The following ESRRG variants were observed in gnomAD, a reference collection of about 807,000 sequenced individuals.
ESRRG encodes estrogen related receptor gamma.
ESRRG carries 13 observed loss-of-function variants against 44.0 expected under a neutral mutation model. The ratio of observed to expected loss-of-function variants is 0.30; its 90% CI spans 0.19 to 0.47. The LOEUF (loss-of-function observed/expected upper bound fraction) is 0.47, where lower values mean the gene tolerates loss of function less well. Among genes scored for constraint, ESRRG ranks in the 20% least tolerant of loss-of-function variants. The pLI is 1.00. For missense variants in ESRRG, 395 were observed against 580.6 expected, an observed-to-expected ratio of 0.68 and a Z score of 3.29; for synonymous variants, 215 against 214.6, an observed-to-expected ratio of 1.00 and a Z score of -0.02.
At chr1:216,857,354 C>T (rs2095963954) in intron 2 of ESRRG, among the ~76,000 whole-genome samples, 2 of 150,362 alleles carry the variant, frequency 1.3e-5, no homozygotes, top group African/African-American at 4.9e-5. Context: ...CCCTTAACCA[C>T]CCTTTGGGAA....
At chr1:217,098,176 C>G (rs895306108) in intron 1 of ESRRG, among the ~76,000 whole-genome samples, 1 of 152,152 alleles carries the variant, frequency 6.6e-6, no homozygotes, top group African/African-American at 2.4e-5. Flanking sequence ...TACACTTTCA[C>G]AGACCCATAA....
In ESRRG at chr1:216,505,499, A is replaced by G. The variant is rs987888604; in HGVS notation, c.*1440T>C. On this transcript the variant is annotated 3_prime_UTR_variant, in exon 7 of 7. Coordinates refer to ENST00000408911, the MANE Select transcript of ESRRG (RefSeq NM_001438.4). ...ATTTGCCTTATTGCCTCTTAAATGA[A>G]TACTGGCTCACAGCTCCTTCTGAGG... The G allele has an allele frequency of 6.6e-6, 1 of 152,496 alleles. No homozygotes were observed. The highest frequency in any genetic ancestry group is 2.4e-5 in the African/African-American group (1 of 41,384). The allele number at this position is 152,496 out of a possible 1,614,324, so 9.4% of individuals were successfully genotyped here.
intron 1 of ESRRG, among the ~76,000 whole-genome samples, chr1:216,716,897 C>T (rs1056719605): frequency 6.6e-6 from 1 of 151,834 alleles, no homozygotes; most frequent in Non-Finnish European, 1.5e-5. Context: ...ACATATAGAT[C>T]TTTGCCAGTA....
chr1:216,954,286 A>G (rs887230249), intron 1 of ESRRG, among the ~76,000 whole-genome samples: 4 of 152,124 alleles, frequency 2.6e-5, no homozygotes, highest in South Asian at 2.1e-4. Flanking sequence ...ACTTCAACAC[A>G]GCCCCTCTCC....
At chr1:216,816,283 T>A (rs1326956027) in intron 2 of ESRRG, among the ~76,000 whole-genome samples, 1 of 152,226 alleles carries the variant, frequency 6.6e-6, no homozygotes, top group African/African-American at 2.4e-5. Flanking sequence ...CATCTCATAA[T>A]TGTGGACTTA....
At chr1:216,630,230 C>T (rs2063904368) in intron 3 of ESRRG, among the ~76,000 whole-genome samples, 1 of 152,112 alleles carries the variant, frequency 6.6e-6, no homozygotes, top group South Asian at 2.1e-4. Context: ...CTTTCATTCT[C>T]ATTTTGTTTC....
intron 1 of ESRRG, among the ~76,000 whole-genome samples, chr1:216,978,343 G>C (rs1257251646): frequency 6.6e-6 from 1 of 152,118 alleles, no homozygotes; most frequent in Non-Finnish European, 1.5e-5. Flanking sequence ...AGACTATATA[G>C]CTGGCAAGGC....
At chr1:216,850,033 T>C (rs967585891) in intron 2 of ESRRG, among the ~76,000 whole-genome samples, 6 of 152,174 alleles carry the variant, frequency 3.9e-5, no homozygotes, top group African/African-American at 1.4e-4. Flanking sequence ...ATGCACTTTA[T>C]ATACTTCTGC....
chr1:216,873,964 G>A (rs1449432206), intron 2 of ESRRG, among the ~76,000 whole-genome samples: 1 of 105,944 alleles, frequency 9.4e-6, no homozygotes, highest in Admixed American at 9.8e-5. Context: ...GGGGAAGAGG[G>A]GAGGGGAGGG....
At chr1:216,629,626 G>A (rs1229132472) in intron 3 of ESRRG, among the ~76,000 whole-genome samples, 1 of 151,796 alleles carries the variant, frequency 6.6e-6, no homozygotes, top group Non-Finnish European at 1.5e-5. Flanking sequence ...AATGGCAGAG[G>A]AGAATTAATG....
At chr1:216,537,797 G>A (rs2051435913) in intron 5 of ESRRG, among the ~76,000 whole-genome samples, 1 of 152,072 alleles carries the variant, frequency 6.6e-6, no homozygotes, top group South Asian at 2.1e-4. Context: ...AAACTGAGGT[G>A]CAAACCCACT....
At chr1:216,518,281 C>A (rs780445731) in intron 6 of ESRRG, among the ~76,000 whole-genome samples, 4 of 152,094 alleles carry the variant, frequency 2.6e-5, no homozygotes, top group Non-Finnish European at 4.4e-5. Flanking sequence ...CTCATTGCAT[C>A]CCATTTAACA....
chr1:217,030,106 G>T (rs1208238140), intron 1 of ESRRG, among the ~76,000 whole-genome samples: 3 of 152,106 alleles, frequency 2.0e-5, no homozygotes, highest in Admixed American at 6.5e-5. Context: ...GTGGTGCGGA[G>T]GCAGTGCCTA....
intron 2 of ESRRG, among the ~76,000 whole-genome samples, chr1:216,761,824 T>C (rs942877616): frequency 6.6e-6 from 1 of 152,124 alleles, no homozygotes; most frequent in Non-Finnish European, 1.5e-5. Context: ...TGACTTAAGG[T>C]ATACAACTTG....
chr1:216,802,285 G>A (rs937805875), intron 2 of ESRRG, among the ~76,000 whole-genome samples: 1 of 152,098 alleles, frequency 6.6e-6, no homozygotes, highest in Non-Finnish European at 1.5e-5. Context: ...CAAGAAAATG[G>A]GGCATTGGGA....
intron 3 of ESRRG, among the ~76,000 whole-genome samples, chr1:216,630,761 T>A (rs1558916540): frequency 6.6e-6 from 1 of 152,196 alleles, no homozygotes; most frequent in Non-Finnish European, 1.5e-5. Flanking sequence ...AACATGATAA[T>A]GAGCCTGTCA....
At chr1:216,779,641 C>G (rs1475006661) in intron 2 of ESRRG, among the ~76,000 whole-genome samples, 1 of 138,456 alleles carries the variant, frequency 7.2e-6, no homozygotes, top group African/African-American at 2.7e-5. Context: ...TTAAAAAGTA[C>G]TGGTTACAGT....
chr1:216,554,456 A>G (rs1297808803), intron 5 of ESRRG, among the ~76,000 whole-genome samples: 5 of 151,176 alleles, frequency 3.3e-5, no homozygotes, highest in Non-Finnish European at 5.9e-5. Flanking sequence ...CTGTCTCAAA[A>G]AAAAAAAAAC....
chr1:216,551,159 T>C (rs2056214608), intron 5 of ESRRG, among the ~76,000 whole-genome samples: 1 of 152,160 alleles, frequency 6.6e-6, no homozygotes, highest in African/African-American at 2.4e-5. Flanking sequence ...TGATAATGCA[T>C]AAACCATGCA....
Sources: gnomAD v4.1 joint callset for allele counts (sites outside exome capture counted in the v4.1 genomes callset) on GRCh38, gnomAD v4.1.1 for gene constraint, MANE v1.5 for transcripts, NCBI Gene and HGNC (gene_info 2026-07-23, HGNC 2026-07-21) for gene names.